SLC7A5: variants seen among roughly 807,000 people sequenced by gnomAD.
SLC7A5 encodes large neutral amino acids transporter small subunit 1.
Under a neutral mutation model 50.2 loss-of-function variants are expected in SLC7A5, and 23 were observed. That is an observed-to-expected ratio of 0.46 (90% confidence interval 0.33 to 0.65). SLC7A5 has a LOEUF of 0.65. Among genes scored for constraint, SLC7A5 ranks in the 30% least tolerant of loss-of-function variants. The pLI, the probability that SLC7A5 is intolerant of heterozygous loss-of-function variation, is 0.02. For missense variants in SLC7A5, 578 were observed against 684.4 expected, an observed-to-expected ratio of 0.84 and a Z score of 1.73; for synonymous variants, 393 against 330.6, an observed-to-expected ratio of 1.19 and a Z score of -2.05.
intron 2 of SLC7A5, among the ~76,000 whole-genome samples, chr16:87,842,451 A>T (rs886506209): frequency 1.3e-5 from 2 of 152,150 alleles, no homozygotes; most frequent in African/African-American, 4.8e-5. Context: ...TTCCCATAAG[A>T]CCTTGGCAAT....
intron 1 of SLC7A5, among the ~76,000 whole-genome samples, chr16:87,857,131 T>A (rs2055331618): frequency 6.6e-6 from 1 of 152,202 alleles, no homozygotes. Flanking sequence ...CCTGCCTCCC[T>A]GCCACTGCTG....
chr16:87,846,561 G>A (rs1404812960), intron 2 of SLC7A5, among the ~76,000 whole-genome samples: 1 of 152,178 alleles, frequency 6.6e-6, no homozygotes, highest in Non-Finnish European at 1.5e-5. Flanking sequence ...GATCTGACAG[G>A]ATCCTTGTCC....
In SLC7A5 at chr16:87,833,784, C is replaced by T. The variant is rs558830206; in HGVS notation, c.1468+630G>A. On this transcript the variant is annotated intron_variant, in intron 9 of 9. Coordinates refer to ENST00000261622, the MANE Select transcript of SLC7A5 (RefSeq NM_003486.7). The surrounding 1 kb of genome is among the most constrained non-coding windows in gnomAD (Gnocchi z 6.0). ...CATTTGCAGGCGCTGAGGACGGGGTCCTGAGCTTGGTGACAAAGCACCCCT... is the reference window on the plus strand; with the variant it reads ...CATTTGCAGGCGCTGAGGACGGGGTTCTGAGCTTGGTGACAAAGCACCCCT... 6.6e-6 allele frequency among the ~76,000 whole-genome samples: 1 copy of T among 152,048 alleles called. No homozygotes were observed. Among genetic ancestry groups the T allele is most frequent in the East Asian group, 1.9e-4 (1 of 5,162 alleles).
At chr16:87,838,039 G>C in intron 6 of SLC7A5, 98 bp from the exon 7 acceptor site, 1 of 944,050 alleles carries the variant, frequency 1.1e-6, no homozygotes. Flanking sequence ...CCTGTGCCTG[G>C]CTTGTCTGGG....
chr16:87,857,601 T>C (rs1341765649), intron 1 of SLC7A5, among the ~76,000 whole-genome samples: 2 of 152,232 alleles, frequency 1.3e-5, no homozygotes, highest in East Asian at 3.8e-4. Flanking sequence ...CTGCTTATAA[T>C]GGCTCAATTT....
intron 1 of SLC7A5, among the ~76,000 whole-genome samples, chr16:87,863,185 C>T (rs755831790): frequency 3.3e-5 from 5 of 152,202 alleles, no homozygotes; most frequent in African/African-American, 7.2e-5. Context: ...ATCTTCTCCA[C>T]GATGCAGTGA....
At chr16:87,840,850 G>A (rs2055074564) in intron 3 of SLC7A5, among the ~76,000 whole-genome samples, 200 bp downstream of exon 3, 1 of 152,164 alleles carries the variant, frequency 6.6e-6, no homozygotes, top group Non-Finnish European at 1.5e-5. Flanking sequence ...GGGCTGCAGC[G>A]GGCGGCCTCC....
intron 1 of SLC7A5, among the ~76,000 whole-genome samples, chr16:87,863,979 A>G (rs2055428845): frequency 1.8e-5 from 2 of 112,338 alleles, no homozygotes; most frequent in South Asian, 5.9e-4. Context: ...ATGTGTGATC[A>G]TTTAAAAATA....
In SLC7A5 at chr16:87,853,067, G is replaced by A. The variant is rs2055258468; in HGVS notation, c.539-1218C>T. ...CTCCCGGCACCGCACCACTAAGACT[G>A]CAGGAAGGTGAGAGCATCAGAAAGG... On this transcript the variant is annotated intron_variant, in intron 1 of 9. Coordinates refer to ENST00000261622, the MANE Select transcript of SLC7A5 (RefSeq NM_003486.7). This position sits in a 1 kb window ranked among gnomAD's most constrained non-coding sequence, Gnocchi z 4.4. Among the ~76,000 whole-genome samples the A allele has an allele frequency of 6.6e-6, 1 of 152,210 alleles. No homozygotes were observed. Among genetic ancestry groups the A allele is most frequent in the South Asian group, 2.1e-4 (1 of 4,828 alleles).
In SLC7A5 at chr16:87,869,144, G is replaced by A. The variant is rs748609150; in HGVS notation, c.279C>T (p.Gly93=). ...AGAGCGCGCCCACGATGGAGAAGAC[G>A]CCGCACGCGGCCCACACCACCAGCG... is the stretch of plus-strand genomic sequence containing the variant. ...GLALVVWAAC[G]VFSIVGALCY... Residue 93 remains glycine (G), a synonymous_variant, in exon 1 of 10, where the codon GGC becomes GGT. Coordinates refer to ENST00000261622, the MANE Select transcript of SLC7A5 (RefSeq NM_003486.7). 63 of 1,611,816 alleles carry A rather than the reference G, an allele frequency of 3.9e-5. No homozygotes were observed. The East Asian group carries it at 1.3e-3, about 33-fold the overall frequency.
rs2054920412 is a variant in SLC7A5, at chr16:87,830,248, C to A, written c.*2722G>T. On this transcript the variant is annotated 3_prime_UTR_variant, in exon 10 of 10. Transcript: ENST00000261622. ...CAGGGAGCAGGCATGGCACCTGCGCCACGCAGAGCAGCAAGGCTGAGCATG... is the reference window on the plus strand; with the variant it reads ...CAGGGAGCAGGCATGGCACCTGCGCAACGCAGAGCAGCAAGGCTGAGCATG... 1 of 152,384 alleles carries A rather than the reference C, an allele frequency of 6.6e-6. No individual in the cohort carries two copies. The highest frequency in any genetic ancestry group is 1.5e-5 in the Non-Finnish European group (1 of 68,044). 9.4% of individuals were successfully genotyped at this position (152,384 alleles called of 1,614,324 possible).
At position 87,853,234 on chromosome 16, in the gene SLC7A5, A is replaced by G. The variant is rs2055261103; in HGVS notation, c.539-1385T>C. Among the ~76,000 whole-genome samples, 1 of 152,238 alleles carries G rather than the reference A, an allele frequency of 6.6e-6. No homozygotes were observed. The highest frequency in any genetic ancestry group is 2.4e-5 in the African/African-American group (1 of 41,462). On this transcript the variant is annotated intron_variant, in intron 1 of 9. Transcript: ENST00000261622. The surrounding 1 kb of genome is among the most constrained non-coding windows in gnomAD (Gnocchi z 4.4). ...ACAATGTAAGCAACAGACCCCGAGGAAAGACATCCATGCTAATTAACTAAT... is the reference window on the plus strand; with the variant it reads ...ACAATGTAAGCAACAGACCCCGAGGGAAGACATCCATGCTAATTAACTAAT...
Position 87,860,872 on chromosome 16 carries a change from TG to T in SLC7A5, c.538+8012del, listed in dbSNP as rs2143823506. ...GCAATGCCAGAGAACGGTCCCCACC[TG>T]GGGTGGTCTGACGGCCAGGGATGCA... On this transcript the variant is annotated intron_variant, in intron 1 of 9. Coordinates refer to ENST00000261622, the MANE Select transcript of SLC7A5 (RefSeq NM_003486.7). This position sits in a 1 kb window ranked among gnomAD's most constrained non-coding sequence, Gnocchi z 4.8. Among the ~76,000 whole-genome samples, 1 of 152,274 alleles carries T rather than the reference TG, an allele frequency of 6.6e-6. No homozygotes were observed. The highest frequency in any genetic ancestry group is 2.4e-5 in the African/African-American group (1 of 41,562).
chr16:87,856,824 C>A lies in SLC7A5; in HGVS notation c.539-4975G>T, dbSNP rs538470133. Among the ~76,000 whole-genome samples, 3 of 152,144 alleles carry A rather than the reference C, an allele frequency of 2.0e-5. No individual in the cohort carries two copies. In the East Asian group the frequency reaches 5.8e-4, roughly 29 times the overall value. Reference sequence around the variant, plus strand: ...CCCCACCATCTCCCGTGTCATCCCCCGGGGGAACTTATAAAAGCAGTGGTG... The same window carrying A: ...CCCCACCATCTCCCGTGTCATCCCCAGGGGGAACTTATAAAAGCAGTGGTG... On this transcript the variant is annotated intron_variant, in intron 1 of 9. Transcript: ENST00000261622.
At chr16:87,840,555 G>GGCTCACCAGCTGCC in intron 3 of SLC7A5, 82 bp from the exon 4 acceptor site, 2 of 1,238,702 alleles carry the variant, frequency 1.6e-6, no homozygotes, top group Non-Finnish European at 2.4e-6. Flanking sequence ...TCCCAGGGCA[G>GGCTCACCAGCTGCC]CTGGTGAGCC....
chr16:87,855,703 C>A (rs955752008), intron 1 of SLC7A5, among the ~76,000 whole-genome samples: 3 of 152,124 alleles, frequency 2.0e-5, no homozygotes, highest in African/African-American at 7.2e-5. Flanking sequence ...GATGATCCCC[C>A]AGGGTCCAGT....
intron 2 of SLC7A5, among the ~76,000 whole-genome samples, chr16:87,846,466 G>A (rs1246040346): frequency 2.0e-5 from 3 of 152,246 alleles, no homozygotes; most frequent in African/African-American, 4.8e-5. Context: ...AAACTCAGAC[G>A]TGGAAGCCCT....
intron 6 of SLC7A5, among the ~76,000 whole-genome samples, chr16:87,838,507 G>A (rs1471053949): frequency 1.3e-5 from 2 of 152,144 alleles, no homozygotes; most frequent in Non-Finnish European, 2.9e-5. Flanking sequence ...TGCTCAGGCT[G>A]GTCTCGAACT....
intron 3 of SLC7A5, 62 bp downstream of exon 3, chr16:87,840,988 T>C: frequency 1.7e-6 from 2 of 1,171,738 alleles, no homozygotes; most frequent in Non-Finnish European, 2.6e-6. Context: ...GATTTGGGAT[T>C]CCTGGACACG....
Sources: allele counts gnomAD v4.1 joint callset (sites outside exome capture counted in the v4.1 genomes callset), GRCh38; gene constraint gnomAD v4.1.1; non-coding constraint Gnocchi (gnomAD v3.1); transcripts MANE v1.5; gene names NCBI Gene and HGNC (gene_info 2026-07-23, HGNC 2026-07-21).